Variants in FANCA observed in about 807,000 individuals in gnomAD.
The protein encoded by FANCA is Fanconi anemia group A protein.
A neutral mutation model predicts 194.3 loss-of-function variants in FANCA; 236 were observed. The observed-to-expected ratio is 1.21, with a 90% CI of 1.09 to 1.35. FANCA has a LOEUF of 1.35. Ranked by LOEUF, FANCA falls within the 40% of genes most tolerant of loss-of-function variation. FANCA has a pLI of 0.00. For missense variants in FANCA, 2,628 were observed against 1,813.9 expected (o/e 1.45, Z -8.15); for synonymous variants, 1,014 against 715.8 (o/e 1.42, Z -6.65).
intron 28 of FANCA, chr16:89,762,741 C>T: frequency 2.2e-6 from 1 of 452,466 alleles, no homozygotes; most frequent in Non-Finnish European, 4.4e-6. Context: ...CCAGAATTCT[C>T]CCCCTCAGCC....
At chr16:89,794,051 A>G (rs1328351206) in intron 11 of FANCA, among the ~76,000 whole-genome samples, 1 of 151,358 alleles carries the variant, frequency 6.6e-6, no homozygotes, top group East Asian at 2.0e-4. Context: ...CTCCTGGCCA[A>G]AAAGTTGTGT....
intron 11 of FANCA, among the ~76,000 whole-genome samples, chr16:89,794,048 C>A (rs1412347647): frequency 1.3e-5 from 2 of 151,742 alleles, no homozygotes; most frequent in African/African-American, 2.4e-5. Context: ...CTGCTCCTGG[C>A]CAAAAAGTTG....
intron 41 of FANCA, 21 bp downstream of exon 41, chr16:89,739,112 G>A (rs746203082): frequency 2.5e-6 from 4 of 1,613,938 alleles, no homozygotes; most frequent in Non-Finnish European, 3.4e-6. Flanking sequence ...CCCTGGAGGT[G>A]GGACTGGCCC....
At chr16:89,789,206 T>A (rs113401304) in intron 14 of FANCA, among the ~76,000 whole-genome samples, 3 of 151,606 alleles carry the variant, frequency 2.0e-5, no homozygotes, top group Non-Finnish European at 4.4e-5. Context: ...CTTTAAGGAA[T>A]AGAAGTGAGT....
At chr16:89,755,458 G>A (rs2038736789) in intron 30 of FANCA, among the ~76,000 whole-genome samples, 1 of 152,116 alleles carries the variant, frequency 6.6e-6, no homozygotes, top group Non-Finnish European at 1.5e-5. Flanking sequence ...GCCCGCCTCA[G>A]CCTCCCAAAG....
intron 42 of FANCA, 23 bp downstream of exon 42, chr16:89,738,859 C>G: frequency 1.2e-6 from 2 of 1,614,228 alleles, no homozygotes; most frequent in Non-Finnish European, 1.7e-6. Context: ...CCACATGGCC[C>G]AAGGTGGGCA....
intron 8 of FANCA, 81 bp from the exon 9 acceptor site, chr16:89,799,719 A>T: frequency 8.2e-7 from 1 of 1,219,338 alleles, no homozygotes; most frequent in South Asian, 1.2e-5. Context: ...GAGAATTATT[A>T]CTTGTTACTC....
At position 89,746,675 on chromosome 16, in the gene FANCA, G is replaced by T. The variant is rs587778318; in HGVS notation, c.3422C>A (p.Ala1141Asp). ...GGAGGGGTCTCTGCTCCGCAGACAG[G>T]CGTTCAGGAGGCCCTGCAGGAGAGA... is the stretch of plus-strand genomic sequence containing the variant. ...TAHFFRGLLN[A>D]CLRSRDPSLM... Residue 1141 changes from alanine (A) to aspartate (D), a missense_variant, in exon 35 of 43, where the codon GCC (alanine) becomes GAC (aspartate). Ala to Asp is a moderately radical substitution (Grantham distance 126, BLOSUM62 -2). Transcript: ENST00000389301. The T allele has an allele frequency of 3.1e-6, 5 of 1,614,150 alleles. No homozygotes were observed. Among genetic ancestry groups the T allele is most frequent in the Middle Eastern group, 3.3e-4 (2 of 6,062 alleles).
chr16:89,751,591 G>A (rs543306168), intron 31 of FANCA, among the ~76,000 whole-genome samples: 39 of 152,260 alleles, frequency 2.6e-4, no homozygotes, highest in Non-Finnish European at 4.7e-4. Flanking sequence ...CAGAGCTGGC[G>A]GAGGGAGAGA....
chr16:89,799,281 G>A (rs1157772313), intron 9 of FANCA, 49 bp from the exon 10 acceptor site: 5 of 1,608,538 alleles, frequency 3.1e-6, no homozygotes, highest in Non-Finnish European at 4.2e-6. Context: ...CACGGCGGCA[G>A]CCCACCAGAA....
intron 11 of FANCA, among the ~76,000 whole-genome samples, chr16:89,794,208 C>T (rs193228943): frequency 2.2e-4 from 34 of 151,292 alleles, no homozygotes; most frequent in Non-Finnish European, 4.6e-4. Flanking sequence ...GTCATATTCA[C>T]AATAAATATT....
chr16:89,816,529 C>G lies in FANCA; in HGVS notation c.79+8G>C. 2 of 1,487,750 alleles carry G rather than the reference C, an allele frequency of 1.3e-6. No individual in the cohort carries two copies. Among genetic ancestry groups the G allele is most frequent in the South Asian group, 1.3e-5 (1 of 79,658 alleles). The allele number at this position is 1,487,750 out of a possible 1,614,324, so 92.2% of individuals were successfully genotyped here. A position where few individuals can be genotyped will look rare whatever the true frequency, so the allele number is the denominator to read the frequency against. On this transcript the variant is annotated splice_region_variant and intron_variant, in intron 1 of 42. Coordinates refer to ENST00000389301, the MANE Select transcript of FANCA (RefSeq NM_000135.4). ...CGCCCACTCCCGCGGCCTGCCGCGC[C>G]CACCTACCCAGCAGCTCGGCCCAGG...
chr16:89,781,363 CAAAAAA>C (rs775937692), intron 17 of FANCA, among the ~76,000 whole-genome samples: 1,117 of 60,420 alleles, frequency 0.018, 12 homozygotes, highest in Admixed American at 0.033. Flanking sequence ...GACTCCATTC[CAAAAAA>C]AAAAAAAAAA....
chr16:89,798,049 C>A (rs2040308449), intron 10 of FANCA, among the ~76,000 whole-genome samples: 1 of 152,164 alleles, frequency 6.6e-6, no homozygotes, highest in Non-Finnish European at 1.5e-5. Context: ...AAACTGTATC[C>A]CCACAAAGTT....
chr16:89,755,694 A>T lies in FANCA; in HGVS notation c.2981+2883T>A, dbSNP rs187781320. Among the ~76,000 whole-genome samples the T allele has an allele frequency of 2.7e-3, 411 of 152,386 alleles. 1 individual carries two copies. Among genetic ancestry groups the T allele is most frequent in the African/African-American group, 9.5e-3 (396 of 41,596 alleles). ...ATATTTGATAAGAACTTTATCTAAA[A>T]TATATAAAGAACTCATACAACTCAG... On this transcript the variant is annotated intron_variant, in intron 30 of 42. Coordinates refer to ENST00000389301, the MANE Select transcript of FANCA (RefSeq NM_000135.4).
At chr16:89,809,669 G>C (rs906238034) in intron 5 of FANCA, among the ~76,000 whole-genome samples, 7 of 152,096 alleles carry the variant, frequency 4.6e-5, no homozygotes, top group African/African-American at 1.7e-4. Flanking sequence ...GACCAACATG[G>C]AGAAACCCCG....
chr16:89,790,111 G>C (rs906358812), intron 14 of FANCA, among the ~76,000 whole-genome samples: 3 of 152,192 alleles, frequency 2.0e-5, no homozygotes, highest in East Asian at 1.9e-4. Context: ...GTGAAAATTA[G>C]AGACGCAAGG....
At chr16:89,813,846 G>A (rs1432248222) in intron 3 of FANCA, among the ~76,000 whole-genome samples, 6 of 151,410 alleles carry the variant, frequency 4.0e-5, no homozygotes, top group Non-Finnish European at 8.8e-5. Context: ...GTGTGCACGT[G>A]CGTGCATGTA....
intron 2 of FANCA, among the ~76,000 whole-genome samples, chr16:89,815,510 C>G (rs1280863220): frequency 6.6e-6 from 1 of 151,872 alleles, no homozygotes; most frequent in South Asian, 2.1e-4. Flanking sequence ...CGTGCGCCAC[C>G]ACACCCAGCT....
Sources: allele counts gnomAD v4.1 joint callset (sites outside exome capture counted in the v4.1 genomes callset), GRCh38; gene constraint gnomAD v4.1.1; transcripts MANE v1.5; gene names NCBI Gene and HGNC (gene_info 2026-07-23, HGNC 2026-07-21).